KATNAL1: variants seen among roughly 807,000 people sequenced by gnomAD.
The protein encoded by KATNAL1 is katanin catalytic subunit A1 like 1.
A neutral mutation model predicts 55.2 loss-of-function variants in KATNAL1; 32 were observed. The observed-to-expected ratio is 0.58, with a 90% CI of 0.44 to 0.78. KATNAL1 has a LOEUF of 0.78. Ranked by LOEUF, KATNAL1 falls within the 30% of genes least tolerant of loss-of-function variation. KATNAL1 has a pLI of 0.00. For missense variants in KATNAL1, 466 were observed against 600.9 expected, an observed-to-expected ratio of 0.78 and a Z score of 2.35; for synonymous variants, 193 against 193.6, an observed-to-expected ratio of 1.00 and a Z score of 0.02.
intron 4 of KATNAL1, 118 bp downstream of exon 4, chr13:30,255,329 C>G (rs1878681723): frequency 2.4e-6 from 2 of 820,700 alleles, no homozygotes; most frequent in Non-Finnish European, 3.5e-6. Context: ...TTGAATGAGA[C>G]TTTTTTCTAA....
intron 1 of KATNAL1, among the ~76,000 whole-genome samples, chr13:30,301,300 G>A (rs1211753291): frequency 3.9e-5 from 6 of 152,098 alleles, no homozygotes; most frequent in African/African-American, 7.2e-5. Context: ...CCCAGGAGAC[G>A]GAGGTTGCAG....
At chr13:30,232,903 A>G (rs1380449144) in intron 6 of KATNAL1, among the ~76,000 whole-genome samples, 1 of 152,184 alleles carries the variant, frequency 6.6e-6, no homozygotes, top group Non-Finnish European at 1.5e-5. Flanking sequence ...CCATATGCAG[A>G]AGAATGAAAC....
At chr13:30,210,819 A>T (rs1873625867) in intron 9 of KATNAL1, among the ~76,000 whole-genome samples, 2 of 152,320 alleles carry the variant, frequency 1.3e-5, no homozygotes, top group South Asian at 4.1e-4. Flanking sequence ...CTGGTGTTAC[A>T]AAATTACACT....
intron 1 of KATNAL1, among the ~76,000 whole-genome samples, chr13:30,303,087 C>T (rs1349220547): frequency 6.6e-6 from 1 of 152,184 alleles, no homozygotes; most frequent in Non-Finnish European, 1.5e-5. Context: ...TTTTAATAGG[C>T]TGCCTAATAG....
chr13:30,307,233 C>G (rs1453056343), intron 1 of KATNAL1, 98 bp downstream of exon 1: 1 of 152,280 alleles, frequency 6.6e-6, no homozygotes, highest in Admixed American at 6.5e-5. Flanking sequence ...AGCCCACTGC[C>G]CTGGCGTCTC....
In KATNAL1 at chr13:30,227,462, T is replaced by C; in HGVS notation, c.1097A>G (p.Glu366Gly). 1 of 1,613,944 alleles carries C rather than the reference T, an allele frequency of 6.2e-7. No individual in the cohort carries two copies. Among genetic ancestry groups the C allele is most frequent in the Non-Finnish European group, 8.5e-7 (1 of 1,179,858 alleles). ...TTTTTCTAACCTTCTTCGCAAAGCT[T>C]CATCAATGTCCCACGGGAAATTAGT... is the stretch of plus-strand genomic sequence containing the variant. The part of the protein sequence containing the change: ...AATNFPWDID[E>G]ALRRRLEKRI... The change falls in exon 9 of 11, where the codon GAA (glutamate) becomes GGA (glycine). Residue 366 changes from glutamate (E) to glycine (G), a missense_variant. Physicochemically the swap from Glu to Gly is moderately conservative, Grantham distance 98. Coordinates refer to ENST00000380615, the MANE Select transcript of KATNAL1 (RefSeq NM_032116.5).
intron 3 of KATNAL1, among the ~76,000 whole-genome samples, chr13:30,259,973 G>A (rs1176916902): frequency 6.6e-6 from 1 of 152,236 alleles, no homozygotes; most frequent in Admixed American, 6.5e-5. Flanking sequence ...AAATATCCCT[G>A]TCTCACAGCT....
intron 3 of KATNAL1, among the ~76,000 whole-genome samples, chr13:30,279,141 A>G (rs904219702): frequency 6.6e-6 from 1 of 152,204 alleles, no homozygotes; most frequent in Non-Finnish European, 1.5e-5. Flanking sequence ...AGCCAGAAAG[A>G]CCTAAACTCA....
chr13:30,224,909 G>C (rs1875288740), intron 9 of KATNAL1, among the ~76,000 whole-genome samples: 1 of 152,138 alleles, frequency 6.6e-6, no homozygotes, highest in Non-Finnish European at 1.5e-5. Flanking sequence ...GCATAGCTCT[G>C]GGTTAGTGTG....
At chr13:30,210,615 A>T in intron 9 of KATNAL1, 173 bp from the exon 10 acceptor site, 1 of 286,306 alleles carries the variant, frequency 3.5e-6, no homozygotes, top group South Asian at 1.3e-4. Context: ...AATCATTTAA[A>T]TTCCTATGTG....
intron 2 of KATNAL1, among the ~76,000 whole-genome samples, chr13:30,282,501 G>T (rs1259368571): frequency 1.3e-5 from 2 of 152,016 alleles, no homozygotes; most frequent in Admixed American, 1.3e-4. Flanking sequence ...TGCTGGACAT[G>T]GTGGTGTGAA....
chr13:30,285,083 T>C (rs912504406), intron 1 of KATNAL1, among the ~76,000 whole-genome samples: 2 of 152,254 alleles, frequency 1.3e-5, no homozygotes, highest in Non-Finnish European at 2.9e-5. Context: ...ATCTCTTATC[T>C]GTTCTTCAGG....
At chr13:30,305,933 G>A (rs547527166) in intron 1 of KATNAL1, among the ~76,000 whole-genome samples, 2 of 152,126 alleles carry the variant, frequency 1.3e-5, no homozygotes, top group Admixed American at 6.5e-5. Flanking sequence ...TTTTCTACCT[G>A]TCTTACTAAA....
intron 3 of KATNAL1, among the ~76,000 whole-genome samples, chr13:30,271,878 G>GAAAAAAAAAAAAAAAA (rs71299873): frequency 2.6e-4 from 20 of 76,768 alleles, no homozygotes; most frequent in Non-Finnish European, 3.7e-4. Flanking sequence ...AAGAAAAGAG[G>GAAAAAAAAAAAAAAAA]AAAAAAAAAA....
rs1872854678 is a variant in KATNAL1, at chr13:30,203,507, G to A, written c.*5033C>T. 1 of 152,120 alleles carries A rather than the reference G, an allele frequency of 6.6e-6. No homozygotes were observed. The highest frequency in any genetic ancestry group is 2.4e-5 in the African/African-American group (1 of 41,394). 9.4% of individuals were successfully genotyped at this position (152,120 alleles called of 1,614,324 possible). Reference sequence around the variant, plus strand: ...TTTATAGTTTCGAACAATCAAATGGGAGTCCTTTTATAAGAGGGAAACTTC... The same window carrying A: ...TTTATAGTTTCGAACAATCAAATGGAAGTCCTTTTATAAGAGGGAAACTTC... On this transcript the variant is annotated 3_prime_UTR_variant, in exon 11 of 11. Coordinates refer to ENST00000380615, the MANE Select transcript of KATNAL1 (RefSeq NM_032116.5).
chr13:30,210,513 T>A (rs1873585344), intron 9 of KATNAL1, 71 bp from the exon 10 acceptor site: 2 of 1,441,526 alleles, frequency 1.4e-6, no homozygotes, highest in Non-Finnish European at 1.9e-6. Flanking sequence ...AATGACATAT[T>A]AACATTTGGG....
chr13:30,244,741 C>T (rs1057222337), intron 4 of KATNAL1, among the ~76,000 whole-genome samples: 1 of 152,100 alleles, frequency 6.6e-6, no homozygotes, highest in Non-Finnish European at 1.5e-5. Context: ...CACAGAAATA[C>T]AAACTACCAT....
intron 3 of KATNAL1, among the ~76,000 whole-genome samples, chr13:30,273,800 A>G (rs1010560344): frequency 2.0e-5 from 3 of 152,368 alleles, no homozygotes; most frequent in African/African-American, 7.2e-5. Context: ...TGATTCTGAA[A>G]TAACTACACG....
chr13:30,252,226 C>CA (rs1469260216), intron 4 of KATNAL1, among the ~76,000 whole-genome samples: 1 of 152,124 alleles, frequency 6.6e-6, no homozygotes, highest in East Asian at 1.9e-4. Context: ...ATGCAGGGAT[C>CA]AAATAAACCA....
Sources: allele counts gnomAD v4.1 joint callset (sites outside exome capture counted in the v4.1 genomes callset), GRCh38; gene constraint gnomAD v4.1.1; transcripts MANE v1.5; gene names NCBI Gene and HGNC (gene_info 2026-07-23, HGNC 2026-07-21).